The following PVALEF variants were observed in gnomAD, a reference collection of about 807,000 sequenced individuals.
PVALEF encodes parvalbumin-like EF-hand-containing protein.
Under a neutral mutation model 1.2 loss-of-function variants are expected in PVALEF, and 2 were observed. That is an observed-to-expected ratio of 1.68 (90% CI 0.69 to 5.28). The LOEUF (loss-of-function observed/expected upper bound fraction) is 5.28, where lower values mean the gene tolerates loss of function less well. Among genes scored for constraint, PVALEF ranks in the 30% most tolerant of loss-of-function variants. The pLI is 0.06. For synonymous variants in PVALEF, 16 were observed against 6.5 expected (o/e 2.47, Z -2.24); for missense variants, 35 against 17.7 (o/e 1.97, Z -1.75).
intron 2 of PVALEF, among the ~76,000 whole-genome samples, chr17:81,171,328 T>G (rs894114842): frequency 2.6e-5 from 4 of 152,004 alleles, no homozygotes; most frequent in African/African-American, 9.7e-5. Flanking sequence ...ACACTGCATC[T>G]GCCAGCCCGC....
chr17:81,180,850 C>A lies in PVALEF; in HGVS notation c.-104-273C>A, dbSNP rs111903239. Among the ~76,000 whole-genome samples the A allele has an allele frequency of 9.3e-3, 1,410 of 152,260 alleles. 26 individuals are homozygous for A. The highest frequency in any genetic ancestry group is 0.032 in the African/African-American group (1,341 of 41,540). On this transcript the variant is annotated intron_variant, in intron 3 of 6. Transcript: ENST00000637878. The stretch of plus-strand genomic sequence containing the variant: ...GGCTCTACCACCCTGTGAACTTTCA[C>A]GAGGGCCAAGAAGCCCAGGACACCC...
rs112264881 is a variant in PVALEF, at chr17:81,170,495, C to T, written c.-340+3651C>T. Among the ~76,000 whole-genome samples the T allele has an allele frequency of 6.8e-3, 1,028 of 152,176 alleles. 13 individuals are homozygous for T. Among genetic ancestry groups the T allele is most frequent in the African/African-American group, 0.024 (989 of 41,494 alleles). On this transcript the variant is annotated intron_variant, in intron 2 of 6. Coordinates refer to ENST00000637878, the MANE Select transcript of PVALEF (RefSeq NM_001354639.2). ...TACTTCCAACTGAGGTCCCAATTCA[C>T]AGGTATCAGGGTCAGGACTTGAACA...
At chr17:81,171,724 C>T (rs1203138075) in intron 2 of PVALEF, among the ~76,000 whole-genome samples, 1 of 152,106 alleles carries the variant, frequency 6.6e-6, no homozygotes, top group Non-Finnish European at 1.5e-5. Context: ...GATCTCCTGA[C>T]CTCGTGATCC....
At chr17:81,172,563 G>A (rs917346458) in intron 2 of PVALEF, among the ~76,000 whole-genome samples, 1 of 152,078 alleles carries the variant, frequency 6.6e-6, no homozygotes, top group Non-Finnish European at 1.5e-5. Context: ...GGATCACTTG[G>A]GGTCAGGAGT....
chr17:81,171,464 T>C (rs527595418), intron 2 of PVALEF, among the ~76,000 whole-genome samples: 1 of 152,336 alleles, frequency 6.6e-6, no homozygotes, highest in South Asian at 2.1e-4. Flanking sequence ...TTGGGTCTCG[T>C]TTTATTAAAA....
In PVALEF at chr17:81,169,309, A is replaced by T. The variant is rs150034640; in HGVS notation, c.-340+2465A>T. On this transcript the variant is annotated intron_variant, in intron 2 of 6. Transcript: ENST00000637878. ...TTATATCTCAATAAAATTGTTAAAAACAGTAATCGGCCGGGCGCAGTGGCT... is the reference window on the plus strand; with the variant it reads ...TTATATCTCAATAAAATTGTTAAAATCAGTAATCGGCCGGGCGCAGTGGCT... Among the ~76,000 whole-genome samples, 3 of 152,348 alleles carry T rather than the reference A, an allele frequency of 2.0e-5. No homozygotes were observed. The East Asian group carries it at 5.8e-4, about 29-fold the overall frequency.
intron 1 of PVALEF, 63 bp from the exon 2 acceptor site, chr17:81,166,614 G>A (rs528892224): frequency 1.8e-5 from 8 of 445,228 alleles, no homozygotes; most frequent in Admixed American, 2.4e-5. Context: ...GAGACAGGTG[G>A]GGGAACCCGG....
Position 81,170,056 on chromosome 17 carries a change from GTGT to G in PVALEF, c.-340+3215_-340+3217del, listed in dbSNP as rs1206927382. Among the ~76,000 whole-genome samples, 3 of 151,718 alleles carry G rather than the reference GTGT, an allele frequency of 2.0e-5. No individual in the cohort carries two copies. The East Asian group carries it at 5.8e-4, about 29-fold the overall frequency. ...GGTGTGTTGGCATGTGTGTGCATGT[GTGT>G]TGGTGTGTATGTGTGTGCATATGTG... On this transcript the variant is annotated intron_variant, in intron 2 of 6. Coordinates refer to ENST00000637878, the MANE Select transcript of PVALEF (RefSeq NM_001354639.2).
intron 2 of PVALEF, among the ~76,000 whole-genome samples, chr17:81,171,991 C>T (rs73370027): frequency 0.014 from 2,089 of 152,304 alleles, 41 homozygotes; most frequent in African/African-American, 0.048. Context: ...ACTCTGTGTT[C>T]AGTCCCCATG....
At chr17:81,168,408 C>G (rs544723237) in intron 2 of PVALEF, among the ~76,000 whole-genome samples, 1 of 152,242 alleles carries the variant, frequency 6.6e-6, no homozygotes, top group South Asian at 2.1e-4. Flanking sequence ...GCACTCCCAC[C>G]CTACGTAACC....
Position 81,179,103 on chromosome 17 carries a change from C to T in PVALEF, c.-154C>T. ...AAGCTGGAGCCCCTGGGCCTCTCCA[C>T]ACCCCAGCCTGACCCACCTTCCAGA... is the stretch of plus-strand genomic sequence containing the variant. On this transcript the variant is annotated 5_prime_UTR_variant, in exon 3 of 7. Transcript: ENST00000637878. The T allele has an allele frequency of 4.6e-6, 2 of 434,474 alleles. No homozygotes were observed. The highest frequency in any genetic ancestry group is 1.6e-5 in the South Asian group (1 of 62,286). 26.9% of individuals were successfully genotyped at this position (434,474 alleles called of 1,614,324 possible).
At chr17:81,166,306 GA>G (rs2146437771) in intron 1 of PVALEF, among the ~76,000 whole-genome samples, 1 of 98,286 alleles carries the variant, frequency 1.0e-5, no homozygotes, top group African/African-American at 3.9e-5. Flanking sequence ...GGAGCACGGA[GA>G]GGGGGACACG....
chr17:81,165,879 G>A, intron 1 of PVALEF, 132 bp downstream of exon 1: 1 of 1,548,618 alleles, frequency 6.5e-7, no homozygotes, highest in Non-Finnish European at 8.7e-7. Context: ...GGGCCCAGGG[G>A]CATCACGTCC....
At chr17:81,179,429 C>A (rs754060051) in intron 3 of PVALEF, among the ~76,000 whole-genome samples, 1 of 152,218 alleles carries the variant, frequency 6.6e-6, no homozygotes. Flanking sequence ...TGTGCTGGCA[C>A]GAGCCTCTGT....
intron 2 of PVALEF, among the ~76,000 whole-genome samples, chr17:81,178,166 C>T (rs975550462): frequency 7.9e-5 from 12 of 152,218 alleles, no homozygotes; most frequent in Non-Finnish European, 1.2e-4. Flanking sequence ...TCATTGTCAC[C>T]TGTCACATAT....
intron 2 of PVALEF, among the ~76,000 whole-genome samples, chr17:81,175,468 A>G (rs773215965): frequency 1.3e-5 from 2 of 152,224 alleles, no homozygotes; most frequent in Non-Finnish European, 2.9e-5. Flanking sequence ...AAGAGACCCA[A>G]GATATCCAAA....
chr17:81,182,507 G>A (rs1319681199), intron 6 of PVALEF, among the ~76,000 whole-genome samples: 1 of 152,206 alleles, frequency 6.6e-6, no homozygotes, highest in African/African-American at 2.4e-5. Flanking sequence ...GTTCTCATCT[G>A]CCTGGGTCTA....
In PVALEF at chr17:81,165,534, T is replaced by C; in HGVS notation, c.-721T>C. The stretch of plus-strand genomic sequence containing the variant: ...ATCGCTCCCAGCCTGGGAAGAAGCC[T>C]CCCACGCCAGGGCCCCGGACCCAGG... On this transcript the variant is annotated 5_prime_UTR_variant, in exon 1 of 7. Coordinates refer to ENST00000637878, the MANE Select transcript of PVALEF (RefSeq NM_001354639.2). 2.3e-6 allele frequency: 2 copies of C among 855,694 alleles called. No homozygotes were observed. The highest frequency in any genetic ancestry group is 3.3e-6 in the Non-Finnish European group (2 of 598,340). The allele number at this position is 855,694 out of a possible 1,614,324, so 53.0% of individuals were successfully genotyped here.
intron 2 of PVALEF, 45 bp downstream of exon 2, chr17:81,166,889 T>C (rs761504602): frequency 1.2e-5 from 4 of 340,622 alleles, no homozygotes; most frequent in South Asian, 8.3e-5. Context: ...GGGCCATCCC[T>C]TCCCCTATGT....
Sources: allele counts gnomAD v4.1 joint callset (sites outside exome capture counted in the v4.1 genomes callset), GRCh38; gene constraint gnomAD v4.1.1; transcripts MANE v1.5; gene names NCBI Gene and HGNC (gene_info 2026-07-23, HGNC 2026-07-21).